PCDHA2: variants seen among roughly 807,000 people sequenced by gnomAD.
The protein encoded by PCDHA2 is protocadherin alpha-2.
Under a neutral mutation model 66.0 loss-of-function variants are expected in PCDHA2, and 58 were observed. That is an observed-to-expected ratio of 0.88 (90% CI 0.71 to 1.09). PCDHA2 has a LOEUF of 1.09. Ranked by LOEUF, PCDHA2 falls within the 50% of genes least tolerant of loss-of-function variation. PCDHA2 has a pLI of 0.00. For missense variants in PCDHA2, 1,267 were observed against 1,242.3 expected, an observed-to-expected ratio of 1.02 and a Z score of -0.30; for synonymous variants, 634 against 554.0, an observed-to-expected ratio of 1.14 and a Z score of -2.03.
chr5:140,967,111 T>G, intron 1 of PCDHA2: 1 of 1,612,990 alleles, frequency 6.2e-7, no homozygotes, highest in East Asian at 2.2e-5. Context: ...AGCAGCGGCC[T>G]CGCTGCCTGC....
intron 1 of PCDHA2, chr5:140,929,617 A>C: frequency 2.5e-6 from 1 of 401,992 alleles, no homozygotes; most frequent in Non-Finnish European, 4.5e-6. Context: ...AAATACCAAA[A>C]TATTTTATAA....
At chr5:140,958,098 G>A (rs1170347696) in intron 1 of PCDHA2, among the ~76,000 whole-genome samples, 4 of 152,088 alleles carry the variant, frequency 2.6e-5, no homozygotes, top group South Asian at 2.1e-4. Context: ...ACAATAGTGT[G>A]TAGAGTGTGG....
chr5:140,930,668 T>C (rs2087022080), intron 1 of PCDHA2, among the ~76,000 whole-genome samples: 1 of 152,216 alleles, frequency 6.6e-6, no homozygotes, highest in South Asian at 2.1e-4. Flanking sequence ...GTTTTACTAT[T>C]CTAGGCAATA....
chr5:140,802,592 G>A lies in PCDHA2; in HGVS notation c.2388+5240G>A, dbSNP rs781901729. On this transcript the variant is annotated intron_variant, in intron 1 of 3. Coordinates refer to ENST00000526136, the MANE Select transcript of PCDHA2 (RefSeq NM_018905.3). Reference sequence around the variant, plus strand: ...AGTCCGAGTACACGGTGTTCGTGAAGGAGAACAACCCGCCGGGCTGCCACA... The same window carrying A: ...AGTCCGAGTACACGGTGTTCGTGAAAGAGAACAACCCGCCGGGCTGCCACA... 6 of 1,613,922 alleles carry A rather than the reference G, an allele frequency of 3.7e-6. No homozygotes were observed. The South Asian group carries it at 4.4e-5, about 12-fold the overall frequency.
At chr5:140,835,713 G>A (rs1490262611) in intron 1 of PCDHA2, 1 of 1,613,696 alleles carries the variant, frequency 6.2e-7, no homozygotes, top group African/African-American at 1.3e-5. Context: ...CGTGTCCGTG[G>A]AGGTGGCCGA....
chr5:140,975,630 G>A (rs182087841), intron 1 of PCDHA2, among the ~76,000 whole-genome samples: 16 of 152,316 alleles, frequency 1.1e-4, no homozygotes, highest in Admixed American at 3.3e-4. Flanking sequence ...TCCATGGTAC[G>A]AAGATAGCAT....
At chr5:140,966,802 G>A in intron 1 of PCDHA2, 4 of 1,542,100 alleles carry the variant, frequency 2.6e-6, no homozygotes, top group Non-Finnish European at 2.6e-6. Context: ...CGGCGACAGA[G>A]CATCCACGGC....
intron 2 of PCDHA2, among the ~76,000 whole-genome samples, chr5:140,981,701 C>A (rs546149642): frequency 5.3e-5 from 8 of 152,268 alleles, no homozygotes; most frequent in African/African-American, 1.9e-4. Context: ...TTCATTCATT[C>A]ATTCATTCAT....
rs1554262648 is a variant in PCDHA2, at chr5:141,010,047, A to G, written c.*110A>G. On this transcript the variant is annotated 3_prime_UTR_variant, in exon 4 of 4. Coordinates refer to ENST00000526136, the MANE Select transcript of PCDHA2 (RefSeq NM_018905.3). The stretch of plus-strand genomic sequence containing the variant: ...CCTATCTACATGAGCCCTCTTAGAG[A>G]CCTCAGAAATCTGCAGAAAGTTCCC... 1.9e-6 allele frequency: 3 copies of G among 1,595,144 alleles called. No homozygotes were observed. The highest frequency in any genetic ancestry group is 1.7e-6 in the Non-Finnish European group (2 of 1,171,458).
At chr5:140,940,372 AGTT>A (rs2092600737) in intron 1 of PCDHA2, among the ~76,000 whole-genome samples, 1 of 151,970 alleles carries the variant, frequency 6.6e-6, no homozygotes, top group Non-Finnish European at 1.5e-5. Flanking sequence ...GTATTCCTTG[AGTT>A]GTTAATTTTG....
intron 1 of PCDHA2, among the ~76,000 whole-genome samples, chr5:140,891,452 T>C (rs1554184844): frequency 6.7e-6 from 1 of 150,254 alleles, no homozygotes; most frequent in African/African-American, 2.4e-5. Flanking sequence ...ATAGGATTTT[T>C]GAATTTGTGA....
intron 1 of PCDHA2, chr5:140,809,347 G>T (rs1554125161): frequency 6.2e-7 from 1 of 1,614,054 alleles, no homozygotes; most frequent in South Asian, 1.1e-5. Flanking sequence ...TGTACACCGC[G>T]CTGCGGTGCT....
intron 1 of PCDHA2, chr5:140,967,093 G>T: frequency 6.2e-7 from 1 of 1,613,122 alleles, no homozygotes; most frequent in Non-Finnish European, 8.5e-7. Flanking sequence ...ATCGGGAGGC[G>T]CTGTGTGAGC....
At chr5:140,928,065 T>G in intron 1 of PCDHA2, 20 of 1,614,198 alleles carry the variant, frequency 1.2e-5, no homozygotes, top group Non-Finnish European at 1.6e-5. Context: ...CGGCTTCCTT[T>G]GACAACTACT....
At chr5:140,867,175 C>T (rs782419499) in intron 1 of PCDHA2, 5 of 152,056 alleles carry the variant, frequency 3.3e-5, no homozygotes, top group Admixed American at 1.3e-4. Context: ...GGTTCATTTC[C>T]CTACCTCGCA....
intron 1 of PCDHA2, chr5:140,828,518 T>G (rs2150156316): frequency 6.2e-7 from 1 of 1,614,092 alleles, no homozygotes; most frequent in Non-Finnish European, 8.5e-7. Flanking sequence ...AGTGCTGATT[T>G]ACGAATCTAG....
intron 1 of PCDHA2, among the ~76,000 whole-genome samples, chr5:140,893,180 C>G (rs1388898676): frequency 6.6e-6 from 1 of 152,208 alleles, no homozygotes; most frequent in Non-Finnish European, 1.5e-5. Context: ...CACATAGTAG[C>G]TATTGTGAAT....
At chr5:140,949,944 T>TTTAGTGG (rs2094435490) in intron 1 of PCDHA2, among the ~76,000 whole-genome samples, 1 of 151,908 alleles carries the variant, frequency 6.6e-6, no homozygotes, top group South Asian at 2.1e-4. Context: ...ATTTGCATTT[T>TTTAGTGG]TTAGTGGTTG....
intron 1 of PCDHA2, chr5:140,868,711 A>G (rs2050603151): frequency 1.1e-5 from 2 of 187,754 alleles, no homozygotes; most frequent in Non-Finnish European, 2.2e-5. Flanking sequence ...AGACACAATA[A>G]TTTAAATTTG....
Sources: gnomAD v4.1 joint callset for allele counts (sites outside exome capture counted in the v4.1 genomes callset) on GRCh38, gnomAD v4.1.1 for gene constraint, MANE v1.5 for transcripts, NCBI Gene and HGNC (gene_info 2026-07-23, HGNC 2026-07-21) for gene names.